The following NFATC1 variants were observed in gnomAD, a reference collection of about 807,000 sequenced individuals.
The protein encoded by NFATC1 is nuclear factor of activated T-cells, cytoplasmic 1.
Under a neutral mutation model 76.0 loss-of-function variants are expected in NFATC1, and 22 were observed. That is an observed-to-expected ratio of 0.29 (90% confidence interval 0.21 to 0.41). NFATC1 has a LOEUF of 0.41. Among genes scored for constraint, NFATC1 ranks in the 10% least tolerant of loss-of-function variants. The probability of loss-of-function intolerance (pLI) is 1.00; values close to 1 mark genes in which losing one functional copy is unlikely to be tolerated. For synonymous variants in NFATC1, 704 were observed against 613.1 expected (o/e 1.15, Z -2.19); for missense variants, 1,357 against 1,337.7 (o/e 1.01, Z -0.23).
chr18:79,450,793 C>T (rs932589874), intron 4 of NFATC1, among the ~76,000 whole-genome samples, 161 bp from the exon 5 acceptor site: 2 of 152,246 alleles, frequency 1.3e-5, no homozygotes, highest in African/African-American at 4.8e-5. Flanking sequence ...CCTCACGTCG[C>T]TGGCTTCAAG....
At chr18:79,396,569 C>T (rs576242900) in intron 1 of NFATC1, among the ~76,000 whole-genome samples, 1 of 152,270 alleles carries the variant, frequency 6.6e-6, no homozygotes, top group South Asian at 2.1e-4. Flanking sequence ...CAATAGGTGT[C>T]TCCTCTGCCC....
intron 8 of NFATC1, among the ~76,000 whole-genome samples, chr18:79,483,708 G>A (rs1384975794): frequency 6.7e-6 from 1 of 148,776 alleles, no homozygotes; most frequent in Non-Finnish European, 1.5e-5. Context: ...CCTTGTTCCT[G>A]GGGTGTAATT....
At chr18:79,510,808 CG>C (rs2090225095) in intron 9 of NFATC1, among the ~76,000 whole-genome samples, 1 of 152,044 alleles carries the variant, frequency 6.6e-6, no homozygotes, top group Non-Finnish European at 1.5e-5. Context: ...ATCCCCTCCA[CG>C]GGGCTCCTCT....
At chr18:79,400,404 G>A in intron 1 of NFATC1, 1 of 1,492,484 alleles carries the variant, frequency 6.7e-7, no homozygotes, top group Non-Finnish European at 8.9e-7. Flanking sequence ...GACGGGGCTG[G>A]AGGACCAGGA....
At chr18:79,460,381 T>C (rs2087998498) in intron 6 of NFATC1, among the ~76,000 whole-genome samples, 1 of 152,236 alleles carries the variant, frequency 6.6e-6, no homozygotes, top group South Asian at 2.1e-4. Flanking sequence ...AGAGACTCTG[T>C]AGGAGATTGA....
intron 9 of NFATC1, among the ~76,000 whole-genome samples, chr18:79,492,104 G>A (rs2089695584): frequency 6.6e-6 from 1 of 152,214 alleles, no homozygotes; most frequent in Non-Finnish European, 1.5e-5. Flanking sequence ...GGCAATAAGA[G>A]AATAGTGTCC....
chr18:79,401,669 C>G (rs1262697169), intron 1 of NFATC1, among the ~76,000 whole-genome samples: 1 of 152,250 alleles, frequency 6.6e-6, no homozygotes, highest in Non-Finnish European at 1.5e-5. Flanking sequence ...TCGCCCCACT[C>G]CCGACCTCTC....
At chr18:79,474,042 ACGCT>A (rs1379701058) in intron 8 of NFATC1, among the ~76,000 whole-genome samples, 7 of 131,700 alleles carry the variant, frequency 5.3e-5, no homozygotes, top group African/African-American at 2.1e-4. Flanking sequence ...GCGTGTTCTC[ACGCT>A]CGCTGTCAAC....
intron 2 of NFATC1, among the ~76,000 whole-genome samples, chr18:79,419,944 A>G (rs1377303448): frequency 6.6e-6 from 1 of 152,246 alleles, no homozygotes; most frequent in Non-Finnish European, 1.5e-5. Context: ...TTTCTACATT[A>G]TGATGGGATT....
intron 8 of NFATC1, among the ~76,000 whole-genome samples, chr18:79,474,889 G>A (rs1185251216): frequency 5.7e-5 from 7 of 122,532 alleles, no homozygotes; most frequent in East Asian, 2.1e-4. Flanking sequence ...CACTGTCGAC[G>A]TTGTAAACCT....
At chr18:79,490,143 C>T (rs1357515797) in intron 9 of NFATC1, among the ~76,000 whole-genome samples, 1 of 152,244 alleles carries the variant, frequency 6.6e-6, no homozygotes, top group Non-Finnish European at 1.5e-5. Flanking sequence ...CCTTCACAGG[C>T]AGGCAGGCGG....
chr18:79,396,251 T>A lies in NFATC1; in HGVS notation c.27T>A (p.Pro9=). 1 of 1,491,990 alleles carries A rather than the reference T, an allele frequency of 6.7e-7. No homozygotes were observed. The highest frequency in any genetic ancestry group is 9.0e-7 in the Non-Finnish European group (1 of 1,113,014). The allele number at this position is 1,491,990 out of a possible 1,614,324, so 92.4% of individuals were successfully genotyped here. MPSTSFPV[P]SKFPLGPAAA... ...TGCCAAGCACCAGCTTTCCAGTCCCTTCCAAGTTTCCACTTGGCCCTGCGG... is the reference window on the plus strand; with the variant it reads ...TGCCAAGCACCAGCTTTCCAGTCCCATCCAAGTTTCCACTTGGCCCTGCGG... Residue 9 remains proline (P), a synonymous_variant, in exon 1 of 10, where the codon CCT becomes CCA. Coordinates refer to ENST00000427363, the MANE Select transcript of NFATC1 (RefSeq NM_001278669.2).
intron 2 of NFATC1, among the ~76,000 whole-genome samples, chr18:79,414,776 C>G (rs2085820226): frequency 1.3e-5 from 2 of 152,142 alleles, no homozygotes; most frequent in Admixed American, 1.3e-4. Context: ...CGCCTTGCTT[C>G]TTTCCAGGGG....
intron 9 of NFATC1, among the ~76,000 whole-genome samples, chr18:79,522,544 G>A (rs905982499): frequency 1.3e-5 from 2 of 150,166 alleles, no homozygotes; most frequent in East Asian, 3.9e-4. Context: ...GTGTCTGTGG[G>A]GGGTGTCTGC....
chr18:79,399,128 CAG>C (rs2085098863), intron 1 of NFATC1, among the ~76,000 whole-genome samples: 1 of 152,250 alleles, frequency 6.6e-6, no homozygotes, highest in African/African-American at 2.4e-5. Flanking sequence ...CAACAGAAAA[CAG>C]AACTTCCACT....
At chr18:79,478,579 C>T (rs1272071349) in intron 8 of NFATC1, among the ~76,000 whole-genome samples, 1 of 152,096 alleles carries the variant, frequency 6.6e-6, no homozygotes. Flanking sequence ...ATTTTCCAGG[C>T]TTGGGGGTTC....
At chr18:79,425,715 C>A (rs1397112375) in intron 2 of NFATC1, among the ~76,000 whole-genome samples, 1 of 152,172 alleles carries the variant, frequency 6.6e-6, no homozygotes, top group Non-Finnish European at 1.5e-5. Context: ...GGGGACGTGG[C>A]CTTTCTAAGG....
intron 9 of NFATC1, among the ~76,000 whole-genome samples, chr18:79,487,810 T>C (rs2089555162): frequency 6.6e-6 from 1 of 151,878 alleles, no homozygotes; most frequent in Admixed American, 6.5e-5. Context: ...CTGCGGTTTG[T>C]GTGCGCGTTG....
chr18:79,430,674 C>T (rs148243807), intron 2 of NFATC1, among the ~76,000 whole-genome samples: 3 of 152,120 alleles, frequency 2.0e-5, no homozygotes, highest in African/African-American at 2.4e-5. Context: ...TGAGCCACCA[C>T]GCCCGGCCAT....
Sources: gnomAD v4.1 joint callset for allele counts (sites outside exome capture counted in the v4.1 genomes callset) on GRCh38, gnomAD v4.1.1 for gene constraint, MANE v1.5 for transcripts, NCBI Gene and HGNC (gene_info 2026-07-23, HGNC 2026-07-21) for gene names.